The following SYMPK variants were observed in gnomAD, a reference collection of about 807,000 sequenced individuals.
SYMPK encodes symplekin.
SYMPK carries 49 observed loss-of-function variants against 136.4 expected under a neutral mutation model. The observed-to-expected ratio is 0.36, with a 90% CI of 0.29 to 0.46. The LOEUF (loss-of-function observed/expected upper bound fraction) is 0.46. SYMPK is among the 20% of genes least tolerant of loss of function. The pLI is 1.00. For missense variants in SYMPK, 1,365 were observed against 1,690.0 expected, an observed-to-expected ratio of 0.81 and a Z score of 3.37; for synonymous variants, 766 against 713.0, an observed-to-expected ratio of 1.07 and a Z score of -1.19.
intron 14 of SYMPK, 162 bp from the exon 15 acceptor site, chr19:45,828,080 A>G (rs1971088320): frequency 3.3e-6 from 2 of 615,014 alleles, no homozygotes; most frequent in Admixed American, 2.9e-5. Context: ...ACAGGGTTCA[A>G]AAGCTGGCGG....
Position 45,830,034 on chromosome 19 carries a change from G to C in SYMPK, c.1749+20C>G, listed in dbSNP as rs756738533. The C allele has an allele frequency of 3.3e-5, 51 of 1,533,560 alleles. No individual in the cohort carries two copies. The Admixed American group carries it at 9.3e-4, about 28-fold the overall frequency. 95.0% of individuals were successfully genotyped at this position (1,533,560 alleles called of 1,614,324 possible). On this transcript the variant is annotated intron_variant, in intron 13 of 26. Coordinates refer to ENST00000245934, the MANE Select transcript of SYMPK (RefSeq NM_004819.3). ...GGTAGAGGGACTGGAAGGATGGGGT[G>C]GGGGGTGGCAGGCGCACACCTGGGC...
At chr19:45,849,718 A>G (rs1971651080) in intron 5 of SYMPK, among the ~76,000 whole-genome samples, 1 of 152,120 alleles carries the variant, frequency 6.6e-6, no homozygotes, top group South Asian at 2.1e-4. Context: ...GGGAGATAGG[A>G]TATTTGGGTT....
intron 21 of SYMPK, among the ~76,000 whole-genome samples, chr19:45,822,161 C>T (rs946933432): frequency 7.4e-6 from 1 of 135,946 alleles, no homozygotes; most frequent in African/African-American, 2.8e-5. Flanking sequence ...CTCTGTCATC[C>T]AGGCTGGAGT....
intron 20 of SYMPK, among the ~76,000 whole-genome samples, chr19:45,823,065 T>G (rs1970945076): frequency 6.6e-6 from 1 of 152,156 alleles, no homozygotes; most frequent in African/African-American, 2.4e-5. Context: ...CCAAGAGGCA[T>G]CCTGATCCTT....
intron 18 of SYMPK, among the ~76,000 whole-genome samples, chr19:45,824,628 A>G (rs1214035851): frequency 6.6e-6 from 1 of 152,202 alleles, no homozygotes; most frequent in African/African-American, 2.4e-5. Context: ...GGGCAGAAAG[A>G]AAAAAAGTGG....
At chr19:45,837,189 T>C (rs953703866) in intron 10 of SYMPK, among the ~76,000 whole-genome samples, 3 of 152,318 alleles carry the variant, frequency 2.0e-5, no homozygotes, top group East Asian at 1.9e-4. Context: ...AGATTGGACA[T>C]AGTAGTAGCA....
At chr19:45,836,964 G>C (rs1400238444) in intron 10 of SYMPK, among the ~76,000 whole-genome samples, 1 of 152,164 alleles carries the variant, frequency 6.6e-6, no homozygotes, top group Middle Eastern at 3.2e-3. Context: ...ATAGTACTCA[G>C]ATGGAAAATC....
At chr19:45,846,493 G>A (rs541229764) in intron 7 of SYMPK, among the ~76,000 whole-genome samples, 31 of 152,184 alleles carry the variant, frequency 2.0e-4, no homozygotes, top group Non-Finnish European at 4.3e-4. Context: ...CCATAATAAC[G>A]ATCCCCAATT....
At chr19:45,830,984 T>C (rs1971155838) in intron 12 of SYMPK, 1 of 156,064 alleles carries the variant, frequency 6.4e-6, no homozygotes, top group African/African-American at 2.4e-5. Context: ...ATGGGGACAA[T>C]GATGATGACA....
chr19:45,853,397 C>T (rs900286850), intron 3 of SYMPK, among the ~76,000 whole-genome samples: 1 of 152,080 alleles, frequency 6.6e-6, no homozygotes, highest in Admixed American at 6.6e-5. Context: ...CAGCAGTTTG[C>T]GGGGGCCAAG....
intron 6 of SYMPK, among the ~76,000 whole-genome samples, 198 bp downstream of exon 6, chr19:45,848,552 A>C (rs1439323066): frequency 6.6e-6 from 1 of 152,226 alleles, no homozygotes; most frequent in Non-Finnish European, 1.5e-5. Context: ...ACGGATGGTC[A>C]ATGGAAGGAA....
At chr19:45,860,475 G>GA (rs1212832574) in intron 1 of SYMPK, among the ~76,000 whole-genome samples, 3 of 91,658 alleles carry the variant, frequency 3.3e-5, no homozygotes, top group Middle Eastern at 4.7e-3. Context: ...AAAAAAAAAA[G>GA]AAAAAAAACC....
chr19:45,848,883 G>T lies in SYMPK; in HGVS notation c.300-7C>A. 1 of 1,613,906 alleles carries T rather than the reference G, an allele frequency of 6.2e-7. No homozygotes were observed. Among genetic ancestry groups the T allele is most frequent in the Non-Finnish European group, 8.5e-7 (1 of 1,179,988 alleles). The stretch of plus-strand genomic sequence containing the variant: ...CAACTCAATGTCTCGCTTGCTGAGG[G>T]ATGGAGAAAAAAGGGGCGAGGTCAA... On this transcript the variant is annotated splice_polypyrimidine_tract_variant and splice_region_variant and intron_variant, in intron 5 of 26. Transcript: ENST00000245934.
chr19:45,852,260 G>A (rs1293352418), intron 5 of SYMPK, 52 bp downstream of exon 5: 2 of 1,604,420 alleles, frequency 1.2e-6, no homozygotes. Flanking sequence ...GCCACGAGCT[G>A]AAGGCTGCCA....
chr19:45,815,647 G>A lies in SYMPK; in HGVS notation c.3738C>T (p.Thr1246=), dbSNP rs761876249. 1.9e-6 allele frequency: 3 copies of A among 1,610,770 alleles called. No individual in the cohort carries two copies. The highest frequency in any genetic ancestry group is 2.5e-6 in the Non-Finnish European group (3 of 1,179,182). The part of the protein sequence containing the change: ...LTLKEERSPQ[T]LAPVGEDAMK... ...TAGCATCTTCTCCAACAGGTGCGAG[G>A]GTCTGGGGGCTCCGCTCCTCCTTCA... is the stretch of plus-strand genomic sequence containing the variant. Residue 1246 remains threonine, a synonymous_variant, in exon 27 of 27, where the codon ACC becomes ACT. Coordinates refer to ENST00000245934, the MANE Select transcript of SYMPK (RefSeq NM_004819.3).
Position 45,827,496 on chromosome 19 carries a change from G to A in SYMPK, c.2181+14C>T, listed in dbSNP as rs774382460. ...GCAGGCTGAGGGCAGCCAGGAAGTG[G>A]AGGAGGGGATCACCTTGTCCTTCTC... On this transcript the variant is annotated intron_variant, in intron 16 of 26. Transcript: ENST00000245934. 1.9e-6 allele frequency: 3 copies of A among 1,604,332 alleles called. No individual in the cohort carries two copies. Among genetic ancestry groups the A allele is most frequent in the Admixed American group, 1.7e-5 (1 of 60,008 alleles).
At position 45,831,456 on chromosome 19, in the gene SYMPK, A is replaced by G. The variant is rs953789127; in HGVS notation, c.1526T>C (p.Met509Thr). The G allele has an allele frequency of 1.2e-6, 2 of 1,603,446 alleles. No homozygotes were observed. The highest frequency in any genetic ancestry group is 1.7e-5 in the Admixed American group (1 of 58,954). Reference protein sequence around the residue: ...AISVVGSLSSMSPLEEEAPQA... With the variant: ...AISVVGSLSSTSPLEEEAPQA... ...CGGTGCCTCTTCCTCCAGGGGGGAC[A>G]TGGAGCTCAGGGAACCCACCACCGA... The change falls in exon 12 of 27, where the codon ATG becomes ACG. Residue 509 changes from methionine to threonine, a missense_variant. Physicochemically the swap from Met to Thr is moderately conservative, Grantham distance 81. This residue lies in a region of SYMPK where 303 missense variants were observed against 326.6 expected (regional missense o/e 0.93). Transcript: ENST00000245934.
chr19:45,830,473 T>C, intron 12 of SYMPK: 1 of 417,680 alleles, frequency 2.4e-6, no homozygotes. Flanking sequence ...TACACAAATG[T>C]CTGGGGGACC....
At chr19:45,856,138 G>A (rs1331213273) in intron 1 of SYMPK, among the ~76,000 whole-genome samples, 1 of 152,176 alleles carries the variant, frequency 6.6e-6, no homozygotes, top group Non-Finnish European at 1.5e-5. Context: ...TGGATCGTCT[G>A]AGGTTAGGAG....
Sources: gnomAD v4.1 joint callset for allele counts (sites outside exome capture counted in the v4.1 genomes callset) on GRCh38, gnomAD v4.1.1 for gene constraint, gnomAD v4.1.1 regional missense constraint, MANE v1.5 for transcripts, NCBI Gene and HGNC (gene_info 2026-07-23, HGNC 2026-07-21) for gene names.